Variants in NIT2 observed in about 807,000 individuals in gnomAD.
NIT2 encodes the protein nitrilase family member 2, also known as omega-amidase NIT2.
In NIT2, 46 loss-of-function variants were observed where a neutral mutation model predicts 42.7. That is an observed-to-expected ratio of 1.08 (90% CI 0.85 to 1.38). NIT2 has a LOEUF of 1.38. Ranked by LOEUF, NIT2 falls within the 40% of genes most tolerant of loss-of-function variation. The probability of loss-of-function intolerance (pLI) is 0.00; values close to 1 mark genes in which losing one functional copy is unlikely to be tolerated. For missense variants in NIT2, 309 were observed against 342.5 expected, an observed-to-expected ratio of 0.90 and a Z score of 0.77; for synonymous variants, 123 against 121.9, an observed-to-expected ratio of 1.01 and a Z score of -0.06.
chr3:100,350,324 C>T (rs1706260617), intron 7 of NIT2, among the ~76,000 whole-genome samples: 1 of 152,064 alleles, frequency 6.6e-6, no homozygotes, highest in Non-Finnish European at 1.5e-5. Context: ...CTCGAGGGCT[C>T]CGAGGTGAGG....
At chr3:100,337,573 C>G (rs1181551136) in intron 1 of NIT2, among the ~76,000 whole-genome samples, 1 of 152,166 alleles carries the variant, frequency 6.6e-6, no homozygotes, top group Admixed American at 6.5e-5. Flanking sequence ...CCTGCCTCAG[C>G]CTCCTGAGTA....
chr3:100,339,666 C>T, intron 2 of NIT2, 149 bp from the exon 3 acceptor site: 2 of 709,162 alleles, frequency 2.8e-6, no homozygotes, highest in South Asian at 4.3e-5. Context: ...GGCTCTTTAC[C>T]CTTGAGATGT....
chr3:100,344,964 T>G (rs1305746875), intron 4 of NIT2, among the ~76,000 whole-genome samples: 1 of 150,950 alleles, frequency 6.6e-6, no homozygotes, highest in East Asian at 1.9e-4. Context: ...TTTTTCTTTT[T>G]TTTTTTGAGA....
chr3:100,339,322 A>G, intron 2 of NIT2, 117 bp downstream of exon 2: 2 of 742,734 alleles, frequency 2.7e-6, no homozygotes, highest in Non-Finnish European at 4.8e-6. Flanking sequence ...TGGAGCCCAT[A>G]GATTGTTCCG....
At chr3:100,350,805 A>G (rs1490158744) in intron 7 of NIT2, among the ~76,000 whole-genome samples, 1 of 152,142 alleles carries the variant, frequency 6.6e-6, no homozygotes, top group African/African-American at 2.4e-5. Context: ...TGCTGCACCC[A>G]TTAACTCGTC....
In NIT2 at chr3:100,357,978, A is replaced by C. The variant is rs1294373418; in HGVS notation, c.*2710A>C. The C allele has an allele frequency of 6.6e-6, 1 of 152,260 alleles. No individual in the cohort carries two copies. The highest frequency in any genetic ancestry group is 2.4e-5 in the African/African-American group (1 of 41,450). 9.4% of individuals were successfully genotyped at this position (152,260 alleles called of 1,614,324 possible). ...TTTTTAGTAGAAATGGGGTTTCACCATGTTGGCCAGTCTGATCTCGAACTC... is the reference window on the plus strand; with the variant it reads ...TTTTTAGTAGAAATGGGGTTTCACCCTGTTGGCCAGTCTGATCTCGAACTC... On this transcript the variant is annotated 3_prime_UTR_variant, in exon 10 of 10. Coordinates refer to ENST00000394140, the MANE Select transcript of NIT2 (RefSeq NM_020202.5).
In NIT2 at chr3:100,358,675, A is replaced by G. The variant is rs947131245; in HGVS notation, c.*3407A>G. 71 of 152,360 alleles carry G rather than the reference A, an allele frequency of 4.7e-4. No homozygotes were observed. The highest frequency in any genetic ancestry group is 1.7e-3 in the African/African-American group (69 of 41,572). 9.4% of individuals were successfully genotyped at this position (152,360 alleles called of 1,614,324 possible). A position where few individuals can be genotyped will look rare whatever the true frequency, so the allele number is the denominator to read the frequency against. ...TGCAAATGAATAAATAAGTAACATT[A>G]TGGGGTTTTAAATGACCAAGGAGTA... On this transcript the variant is annotated 3_prime_UTR_variant, in exon 10 of 10. Transcript: ENST00000394140.
chr3:100,339,964 C>G lies in NIT2; in HGVS notation c.247+29C>G, dbSNP rs368419981. 8.0e-5 allele frequency: 128 copies of G among 1,593,508 alleles called. No individual in the cohort carries two copies. In the African/African-American group the frequency reaches 1.4e-3, roughly 18 times the overall value. Reference sequence around the variant, plus strand: ...ACTTCCTACCCACAAGGTATAATGACCTAAACATTAGAAACATCTGAATGA... The same window carrying G: ...ACTTCCTACCCACAAGGTATAATGAGCTAAACATTAGAAACATCTGAATGA... On this transcript the variant is annotated intron_variant, in intron 3 of 9. Coordinates refer to ENST00000394140, the MANE Select transcript of NIT2 (RefSeq NM_020202.5).
intron 3 of NIT2, 150 bp from the exon 4 acceptor site, chr3:100,340,923 T>G (rs1370662547): frequency 1.7e-6 from 1 of 605,026 alleles, no homozygotes; most frequent in Non-Finnish European, 2.9e-6. Flanking sequence ...TAGAATGAGG[T>G]GTTGCCTTAT....
At chr3:100,341,001 G>A in intron 3 of NIT2, 72 bp from the exon 4 acceptor site, 1 of 1,010,480 alleles carries the variant, frequency 9.9e-7, no homozygotes, top group Non-Finnish European at 1.5e-6. Flanking sequence ...AAGTTATCAG[G>A]CTTTTATCCC....
intron 1 of NIT2, among the ~76,000 whole-genome samples, chr3:100,338,192 A>G (rs1576198016): frequency 6.6e-6 from 1 of 152,248 alleles, no homozygotes; most frequent in East Asian, 1.9e-4. Flanking sequence ...TAAGCTTGGA[A>G]GAGCCCCCAA....
rs1034938593 is a variant in NIT2, at chr3:100,359,563, T to C, written c.*4295T>C. ...AGACCGATTTGTAGACCTGTCCATG[T>C]GGCCTCTCTCAACACCATTGGTGTG... is the stretch of plus-strand genomic sequence containing the variant. On this transcript the variant is annotated 3_prime_UTR_variant, in exon 10 of 10. Coordinates refer to ENST00000394140, the MANE Select transcript of NIT2 (RefSeq NM_020202.5). 4 of 152,004 alleles carry C rather than the reference T, an allele frequency of 2.6e-5. No homozygotes were observed. Among genetic ancestry groups the C allele is most frequent in the Admixed American group, 6.5e-5 (1 of 15,274 alleles). The allele number at this position is 152,004 out of a possible 1,614,324, so 9.4% of individuals were successfully genotyped here. A position where few individuals can be genotyped will look rare whatever the true frequency, so the allele number is the denominator to read the frequency against.
Position 100,355,435 on chromosome 3 carries a change from A to C in NIT2, c.*167A>C, listed in dbSNP as rs1706317569. On this transcript the variant is annotated 3_prime_UTR_variant, in exon 10 of 10. Coordinates refer to ENST00000394140, the MANE Select transcript of NIT2 (RefSeq NM_020202.5). ...ATTATGCTGACATTTTCCACGCCAC[A>C]TTAAATAGTTAAAAAGGATGCAGCC... 5.4e-6 allele frequency: 3 copies of C among 552,564 alleles called. No individual in the cohort carries two copies. In the African/African-American group the frequency reaches 5.8e-5, roughly 11 times the overall value. 34.2% of individuals were successfully genotyped at this position (552,564 alleles called of 1,614,324 possible). A position where few individuals can be genotyped will look rare whatever the true frequency, so the allele number is the denominator to read the frequency against.
chr3:100,350,444 A>G (rs141862165), intron 7 of NIT2, among the ~76,000 whole-genome samples: 1 of 152,336 alleles, frequency 6.6e-6, no homozygotes, highest in African/African-American at 2.4e-5. Context: ...TATTGCTCTC[A>G]TAAGGCCACT....
chr3:100,348,920 C>G, intron 7 of NIT2, 39 bp downstream of exon 7: 1 of 1,570,486 alleles, frequency 6.4e-7, no homozygotes, highest in South Asian at 1.1e-5. Flanking sequence ...CTCGGCATGT[C>G]CTCTTTGTAG....
At chr3:100,348,261 G>A (rs1211391084) in intron 6 of NIT2, among the ~76,000 whole-genome samples, 2 of 152,142 alleles carry the variant, frequency 1.3e-5, no homozygotes, top group African/African-American at 2.4e-5. Flanking sequence ...GAGATTTCTC[G>A]GAATTGTGCC....
chr3:100,336,672 A>G (rs572623398), intron 1 of NIT2, among the ~76,000 whole-genome samples: 1 of 152,280 alleles, frequency 6.6e-6, no homozygotes, highest in African/African-American at 2.4e-5. Context: ...TGTCTTAAAG[A>G]GCAGTATTGC....
At chr3:100,346,320 G>T (rs1706216940) in intron 6 of NIT2, 65 bp downstream of exon 6, 5 of 1,414,966 alleles carry the variant, frequency 3.5e-6, no homozygotes, top group Admixed American at 1.8e-5. Context: ...TGGTCTATGT[G>T]GGATCCTTAG....
chr3:100,347,734 C>T (rs776872792), intron 6 of NIT2, among the ~76,000 whole-genome samples: 3 of 152,126 alleles, frequency 2.0e-5, no homozygotes, highest in African/African-American at 7.2e-5. Context: ...AGTGTCCATG[C>T]TATTGACACT....
Sources: allele counts gnomAD v4.1 joint callset (sites outside exome capture counted in the v4.1 genomes callset), GRCh38; gene constraint gnomAD v4.1.1; transcripts MANE v1.5; gene names NCBI Gene and HGNC (gene_info 2026-07-23, HGNC 2026-07-21).